SLC5A4: variants seen among roughly 807,000 people sequenced by gnomAD.
The protein encoded by SLC5A4 is probable glucose sensor protein SLC5A4.
A neutral mutation model predicts 70.3 loss-of-function variants in SLC5A4; 55 were observed. The ratio of observed to expected loss-of-function variants is 0.78; its 90% CI spans 0.63 to 0.98. The LOEUF (loss-of-function observed/expected upper bound fraction) is 0.98, where lower values mean the gene tolerates loss of function less well. SLC5A4 is among the 50% of genes least tolerant of loss of function. SLC5A4 has a pLI of 0.00. For synonymous variants in SLC5A4, 268 were observed against 305.7 expected, an observed-to-expected ratio of 0.88 and a Z score of 1.29; for missense variants, 735 against 839.2, an observed-to-expected ratio of 0.88 and a Z score of 1.53.
rs778000362 is a variant in SLC5A4, at chr22:32,234,913, C to T, written c.845G>A (p.Gly282Glu). ...GDIPWPGIIF[G>E]MPITALWYWC... Reference sequence around the variant, plus strand: ...GTACCACAAAGCTGTAATGGGCATTCCAAATATAATTCCTGGCCATGGAAT... The same window carrying T: ...GTACCACAAAGCTGTAATGGGCATTTCAAATATAATTCCTGGCCATGGAAT... Residue 282 changes from glycine (G) to glutamate (E), a missense_variant, in exon 8 of 15, where the codon GGA becomes GAA. Gly to Glu is a moderately conservative substitution (Grantham distance 98, BLOSUM62 -2). Transcript: ENST00000266086. The T allele has an allele frequency of 1.2e-6, 2 of 1,612,776 alleles. No homozygotes were observed. Among genetic ancestry groups the T allele is most frequent in the Non-Finnish European group, 1.7e-6 (2 of 1,179,974 alleles).
the SLC5A4 span, among the ~76,000 whole-genome samples, chr22:32,325,155 C>T: frequency 6.6e-6 from 1 of 152,246 alleles, no homozygotes; most frequent in African/African-American, 2.4e-5. Flanking sequence ...AACTCTTGGC[C>T]CCTCGCACTA....
At chr22:32,317,056 A>G in the SLC5A4 span, among the ~76,000 whole-genome samples, 15 of 152,164 alleles carry the variant, frequency 9.9e-5, no homozygotes, top group Non-Finnish European at 1.5e-5. Context: ...ATTCCAAAAA[A>G]TAGAAAAAAG....
At chr22:32,303,239 ACAT>A in the SLC5A4 span, among the ~76,000 whole-genome samples, 1 of 152,232 alleles carries the variant, frequency 6.6e-6, no homozygotes, top group East Asian at 1.9e-4. Flanking sequence ...GAGACATGAG[ACAT>A]CATCAATATG....
chr22:32,346,144 C>A, the SLC5A4 span, among the ~76,000 whole-genome samples: 4 of 152,100 alleles, frequency 2.6e-5, no homozygotes, highest in African/African-American at 9.7e-5. Flanking sequence ...ATGATGGCTG[C>A]GGCTTACAAT....
upstream of SLC5A4, among the ~76,000 whole-genome samples, chr22:32,259,915 G>A (rs1365426247): frequency 1.3e-5 from 2 of 149,220 alleles, no homozygotes; most frequent in African/African-American, 4.8e-5. Flanking sequence ...AAGTCACACA[G>A]GGTGGAGCGG....
the SLC5A4 span, among the ~76,000 whole-genome samples, chr22:32,293,594 T>C: frequency 6.6e-6 from 1 of 152,142 alleles, no homozygotes; most frequent in African/African-American, 2.4e-5. Context: ...TCTGCAGTTG[T>C]TATGTATTTT....
the SLC5A4 span, among the ~76,000 whole-genome samples, chr22:32,265,599 G>A: frequency 6.6e-6 from 1 of 151,874 alleles, no homozygotes; most frequent in Non-Finnish European, 1.5e-5. Flanking sequence ...ACACACTTTC[G>A]GAGGCTGAGG....
intron 9 of SLC5A4, 142 bp from the exon 10 acceptor site, chr22:32,231,217 C>A (rs1925744488): frequency 1.4e-5 from 9 of 650,870 alleles, no homozygotes; most frequent in Non-Finnish European, 2.5e-5. Context: ...AACTCCATAT[C>A]ATAGATCTGG....
At chr22:32,323,781 G>A in the SLC5A4 span, among the ~76,000 whole-genome samples, 8,350 of 152,276 alleles carry the variant, frequency 0.055, 354 homozygotes, top group African/African-American at 0.11. Context: ...CTTTTACAAC[G>A]CAGAGCCAAA....
rs1449991667 is a variant in SLC5A4, at chr22:32,220,995, T to G, written c.1693A>C (p.Asn565His). ...HLYRLCWVLR[N>H]STEERIDIDA... ...ATATCGATTCGCTCCTCTGTACTGTTCCGAAGAACCCAGCACAGGCGGTAC... is the reference window on the plus strand; with the variant it reads ...ATATCGATTCGCTCCTCTGTACTGTGCCGAAGAACCCAGCACAGGCGGTAC... The change falls in exon 14 of 15, where the codon AAC becomes CAC. Residue 565 changes from asparagine (N) to histidine (H), a missense_variant. Asn to His is a moderately conservative substitution (Grantham distance 68). Coordinates refer to ENST00000266086, the MANE Select transcript of SLC5A4 (RefSeq NM_014227.3). 6.2e-7 allele frequency: 1 copy of G among 1,613,912 alleles called. No individual in the cohort carries two copies.
chr22:32,349,713 A>T, the SLC5A4 span, among the ~76,000 whole-genome samples: 2 of 152,220 alleles, frequency 1.3e-5, no homozygotes, highest in African/African-American at 2.4e-5. Context: ...AAAGCCAGTT[A>T]ATTAGAACTC....
the SLC5A4 span, among the ~76,000 whole-genome samples, chr22:32,295,165 T>C: frequency 3.7e-5 from 4 of 108,016 alleles, 1 homozygote; most frequent in Non-Finnish European, 8.0e-5. Context: ...TTTATAGTCC[T>C]TTGGGTATAT....
At chr22:32,294,671 C>CTTT in the SLC5A4 span, among the ~76,000 whole-genome samples, 271 of 148,798 alleles carry the variant, frequency 1.8e-3, no homozygotes, top group African/African-American at 6.5e-3. Flanking sequence ...TTGGCTTTTT[C>CTTT]TTTTTATTAT....
the SLC5A4 span, chr22:32,269,470 G>T: frequency 1.9e-6 from 1 of 532,882 alleles, no homozygotes. The surrounding 1 kb of genome is among the most constrained non-coding windows in gnomAD (Gnocchi z 4.1). Flanking sequence ...AGCCCATCCT[G>T]TTCGAGCCCA....
At chr22:32,330,638 GGGGGCTCTGTATT>G in the SLC5A4 span, among the ~76,000 whole-genome samples, 63 of 121,152 alleles carry the variant, frequency 5.2e-4, no homozygotes, top group Non-Finnish European at 8.2e-4. Flanking sequence ...TGTGTGTGTT[GGGGGCTCTGTATT>G]GGGGCTCTGG....
the SLC5A4 span, among the ~76,000 whole-genome samples, chr22:32,299,150 G>A: frequency 1.0e-4 from 8 of 78,856 alleles, no homozygotes; most frequent in African/African-American, 1.5e-4. Context: ...TGCTCTTCTC[G>A]AGGAGTATCT....
At chr22:32,264,042 G>A in the SLC5A4 span, among the ~76,000 whole-genome samples, 1,977 of 152,000 alleles carry the variant, frequency 0.013, 38 homozygotes, top group African/African-American at 0.045. Context: ...CTGTCATGGG[G>A]TTGGGGGCTG....
the SLC5A4 span, chr22:32,270,764 C>T: frequency 6.0e-3 from 3,736 of 626,476 alleles, 18 homozygotes; most frequent in Non-Finnish European, 8.7e-3. Context: ...GTAGGCAACC[C>T]CTGCGTGGTC....
chr22:32,311,777 C>T, the SLC5A4 span, among the ~76,000 whole-genome samples: 1 of 152,158 alleles, frequency 6.6e-6, no homozygotes, highest in Non-Finnish European at 1.5e-5. Context: ...CTGAGTGGAT[C>T]AGCGCTCTCG....
Sources: allele counts gnomAD v4.1 joint callset (sites outside exome capture counted in the v4.1 genomes callset), GRCh38; gene constraint gnomAD v4.1.1; non-coding constraint Gnocchi (gnomAD v3.1); transcripts MANE v1.5; gene names NCBI Gene and HGNC (gene_info 2026-07-23, HGNC 2026-07-21).